SV2C: variants seen among roughly 807,000 people sequenced by gnomAD.
The protein encoded by SV2C is synaptic vesicle glycoprotein 2C.
In SV2C, 49 loss-of-function variants were observed where a neutral mutation model predicts 79.7. The ratio of observed to expected loss-of-function variants is 0.61; its 90% CI spans 0.49 to 0.78. SV2C has a LOEUF of 0.78. Among genes scored for constraint, SV2C ranks in the 30% least tolerant of loss-of-function variants. The probability of loss-of-function intolerance (pLI) is 0.00; values close to 1 mark genes in which losing one functional copy is unlikely to be tolerated. For synonymous variants in SV2C, 334 were observed against 333.2 expected, an observed-to-expected ratio of 1.00 and a Z score of -0.03; for missense variants, 833 against 912.9, an observed-to-expected ratio of 0.91 and a Z score of 1.13.
chr5:76,173,098 G>A lies in SV2C; in HGVS notation c.581-21821G>A, dbSNP rs1743376339. ...AAAAAAAAATTAAAAAAACTATATA[G>A]CTGTGTTAATCAAAGCGCTTATTTT... On this transcript the variant is annotated intron_variant, in intron 2 of 12. Transcript: ENST00000502798. Among the ~76,000 whole-genome samples, 3 of 143,706 alleles carry A rather than the reference G, an allele frequency of 2.1e-5. 1 individual carries two copies. In the South Asian group the frequency reaches 6.8e-4, roughly 33 times the overall value. 94.3% of individuals were successfully genotyped at this position (143,706 alleles called of 152,430 possible). A position where few individuals can be genotyped will look rare whatever the true frequency, so the allele number is the denominator to read the frequency against.
chr5:76,079,373 A>G, upstream of SV2C: 1 of 305,052 alleles, frequency 3.3e-6, no homozygotes. Context: ...TATGCAAAAA[A>G]CATGTGGTGA....
chr5:76,343,989 C>T (rs1749491431), intron 12 of SV2C, among the ~76,000 whole-genome samples: 1 of 151,548 alleles, frequency 6.6e-6, no homozygotes, highest in South Asian at 2.1e-4. Context: ...TCACTGCACT[C>T]TAGCCTGGGC....
At chr5:76,182,265 AC>A (rs375887202) in intron 2 of SV2C, among the ~76,000 whole-genome samples, 10 of 150,654 alleles carry the variant, frequency 6.6e-5, no homozygotes, top group African/African-American at 1.7e-4. Context: ...TTAAGACATG[AC>A]CCCCCAGACC....
chr5:76,039,571 C>A, the SV2C span, among the ~76,000 whole-genome samples: 3 of 151,972 alleles, frequency 2.0e-5, no homozygotes, highest in African/African-American at 7.2e-5. Context: ...GCCTGGACAA[C>A]ATGGTGAAAC....
At chr5:76,296,059 T>G in intron 9 of SV2C, 117 bp downstream of exon 9, 1 of 983,100 alleles carries the variant, frequency 1.0e-6, no homozygotes, top group East Asian at 2.7e-5. Context: ...GTTTGTACAT[T>G]TAGTCATTTT....
At chr5:76,072,940 C>G in the SV2C span, among the ~76,000 whole-genome samples, 1 of 152,128 alleles carries the variant, frequency 6.6e-6, no homozygotes, top group South Asian at 2.1e-4. Context: ...AGCCCACTTT[C>G]TGTTGGAATT....
rs1177805792 is a variant in SV2C at position 76,326,947 on chromosome 5, T to C, written c.*1400T>C. 1 of 152,208 alleles carries C rather than the reference T, an allele frequency of 6.6e-6. No homozygotes were observed. The highest frequency in any genetic ancestry group is 2.4e-5 in the African/African-American group (1 of 41,434). 9.4% of individuals were successfully genotyped at this position (152,208 alleles called of 1,614,324 possible). The stretch of plus-strand genomic sequence containing the variant: ...ACCTTCCTTGTAGACTTGCAGCCAA[T>C]GACCAGAAGCCAGGAATAAATCCCA... On this transcript the variant is annotated 3_prime_UTR_variant, in exon 13 of 13. Transcript: ENST00000502798.
At chr5:76,126,989 C>A (rs1356317411) in intron 1 of SV2C, among the ~76,000 whole-genome samples, 1 of 152,214 alleles carries the variant, frequency 6.6e-6, no homozygotes, top group Non-Finnish European at 1.5e-5. Flanking sequence ...ACATGGCTGA[C>A]ATAATAACGG....
At chr5:76,135,447 T>A (rs189828077) in intron 2 of SV2C, among the ~76,000 whole-genome samples, 1 of 151,888 alleles carries the variant, frequency 6.6e-6, no homozygotes, top group Admixed American at 6.6e-5. Flanking sequence ...GAGGAATCAT[T>A]AAGGAGGTAG....
intron 3 of SV2C, among the ~76,000 whole-genome samples, chr5:76,205,892 C>G (rs1744593869): frequency 6.6e-6 from 1 of 152,186 alleles, no homozygotes. Context: ...ATGTCAGCAG[C>G]AGCCCCCAAG....
intron 4 of SV2C, among the ~76,000 whole-genome samples, chr5:76,229,566 G>T (rs1579964873): frequency 6.6e-6 from 1 of 152,178 alleles, no homozygotes; most frequent in South Asian, 2.1e-4. Flanking sequence ...TAAGTTCTTT[G>T]TCACTTTCTG....
intron 4 of SV2C, among the ~76,000 whole-genome samples, chr5:76,221,809 C>G (rs1322086740): frequency 6.6e-6 from 1 of 152,108 alleles, no homozygotes; most frequent in Non-Finnish European, 1.5e-5. Flanking sequence ...CAGACTAGAT[C>G]CCCCTCAAAT....
At chr5:76,032,005 A>C in the SV2C span, among the ~76,000 whole-genome samples, 3 of 152,178 alleles carry the variant, frequency 2.0e-5, no homozygotes, top group African/African-American at 7.2e-5. Context: ...ATAAGACCCA[A>C]AGCAAACCTA....
intron 4 of SV2C, among the ~76,000 whole-genome samples, chr5:76,259,813 G>A (rs182472598): frequency 2.8e-4 from 43 of 152,318 alleles, no homozygotes; most frequent in African/African-American, 9.6e-4. Flanking sequence ...ATTCCATGGT[G>A]TATATGTGCC....
chr5:76,295,282 G>GTCC (rs965587914), intron 8 of SV2C, among the ~76,000 whole-genome samples: 2 of 152,152 alleles, frequency 1.3e-5, no homozygotes, highest in Non-Finnish European at 2.9e-5. Context: ...CAAATACTGT[G>GTCC]TCCTCAGTGG....
chr5:76,228,050 A>C (rs112956313), intron 4 of SV2C, among the ~76,000 whole-genome samples: 2,100 of 148,100 alleles, frequency 0.014, 40 homozygotes, highest in African/African-American at 0.048. Flanking sequence ...CTTTCTCTCT[A>C]TCTCTCTCTC....
chr5:76,197,916 A>T (rs1334068360), intron 3 of SV2C, among the ~76,000 whole-genome samples: 1 of 152,186 alleles, frequency 6.6e-6, no homozygotes, highest in Non-Finnish European at 1.5e-5. Context: ...AAGGCCTAAT[A>T]ACTCAGGGTG....
the SV2C span, among the ~76,000 whole-genome samples, chr5:76,046,382 A>T: frequency 3.3e-5 from 5 of 152,216 alleles, no homozygotes; most frequent in African/African-American, 1.2e-4. Flanking sequence ...GGGGCTTCCC[A>T]GAACGCTTCA....
chr5:76,047,768 T>G, the SV2C span, among the ~76,000 whole-genome samples: 2 of 138,630 alleles, frequency 1.4e-5, no homozygotes, highest in Non-Finnish European at 3.0e-5. Flanking sequence ...TTTCTTTTCT[T>G]TTTTTTTTTT....
Sources: gnomAD v4.1 joint callset for allele counts (sites outside exome capture counted in the v4.1 genomes callset) on GRCh38, gnomAD v4.1.1 for gene constraint, MANE v1.5 for transcripts, NCBI Gene and HGNC (gene_info 2026-07-23, HGNC 2026-07-21) for gene names.